The following SETD7 variants were observed in gnomAD, a reference collection of about 807,000 sequenced individuals.
SETD7 encodes histone-lysine N-methyltransferase SETD7.
SETD7 carries 16 observed loss-of-function variants against 41.8 expected under a neutral mutation model. The ratio of observed to expected loss-of-function variants is 0.38; its 90% CI spans 0.26 to 0.58. The LOEUF is 0.58. Ranked by LOEUF, SETD7 falls within the 20% of genes least tolerant of loss-of-function variation. The probability of loss-of-function intolerance (pLI) is 0.64; values close to 1 mark genes in which losing one functional copy is unlikely to be tolerated. For missense variants in SETD7, 346 were observed against 459.7 expected, an observed-to-expected ratio of 0.75 and a Z score of 2.26; for synonymous variants, 163 against 169.7, an observed-to-expected ratio of 0.96 and a Z score of 0.31.
intron 1 of SETD7, among the ~76,000 whole-genome samples, chr4:139,551,811 G>A (rs770189986): frequency 1.5e-4 from 23 of 151,992 alleles, no homozygotes; most frequent in Non-Finnish European, 2.6e-4. Context: ...GAGCCCAGGA[G>A]ACCAGTCTGG....
At chr4:139,521,445 A>T (rs1310570566) in intron 5 of SETD7, among the ~76,000 whole-genome samples, 2 of 151,698 alleles carry the variant, frequency 1.3e-5, no homozygotes, top group Non-Finnish European at 2.9e-5. Context: ...AAAAGAAAAA[A>T]GCGCTCATAA....
chr4:139,526,904 A>G (rs1045751453), intron 4 of SETD7, among the ~76,000 whole-genome samples: 2 of 152,240 alleles, frequency 1.3e-5, no homozygotes, highest in Non-Finnish European at 2.9e-5. Flanking sequence ...AAGGGCATAG[A>G]TATCACAGTT....
At chr4:139,525,768 C>A (rs2111141804) in intron 4 of SETD7, among the ~76,000 whole-genome samples, 1 of 152,320 alleles carries the variant, frequency 6.6e-6, no homozygotes, top group Non-Finnish European at 1.5e-5. Flanking sequence ...TACCCCCTAA[C>A]CCACTGGCCA....
intron 5 of SETD7, among the ~76,000 whole-genome samples, chr4:139,521,062 A>G (rs1727168772): frequency 6.6e-6 from 1 of 152,226 alleles, no homozygotes; most frequent in East Asian, 1.9e-4. Context: ...CAGATATTAT[A>G]TGGCTTGCAA....
chr4:139,555,809 ACTCCGAGGGTGGATGC>A lies in SETD7; in HGVS notation c.40+273_40+288del, dbSNP rs1161271969. On this transcript the variant is annotated intron_variant, in intron 1 of 7. Coordinates refer to ENST00000274031, the MANE Select transcript of SETD7 (RefSeq NM_030648.4). This position sits in a 1 kb window ranked among gnomAD's most constrained non-coding sequence, Gnocchi z 4.0. ...GCCAGAGCGCGGGGCAGGTTTCGCAACTCCGAGGGTGGATGCAGGCTGTGGCCGGGCGGGATGGAGC... is the reference window on the plus strand; with the variant it reads ...GCCAGAGCGCGGGGCAGGTTTCGCAAAGGCTGTGGCCGGGCGGGATGGAGC... Among the ~76,000 whole-genome samples, 3 of 152,044 alleles carry A rather than the reference ACTCCGAGGGTGGATGC, an allele frequency of 2.0e-5. No individual in the cohort carries two copies. The highest frequency in any genetic ancestry group is 4.4e-5 in the Non-Finnish European group (3 of 67,980).
intron 7 of SETD7, among the ~76,000 whole-genome samples, chr4:139,514,352 C>T (rs1726962270): frequency 6.6e-6 from 1 of 152,014 alleles, no homozygotes; most frequent in South Asian, 2.1e-4. Flanking sequence ...GTTGGTTAAC[C>T]TCTGGTACAC....
At chr4:139,517,190 C>A (rs1221084559) in intron 7 of SETD7, among the ~76,000 whole-genome samples, 1 of 152,116 alleles carries the variant, frequency 6.6e-6, no homozygotes, top group Non-Finnish European at 1.5e-5. Flanking sequence ...TAAAAGGGCT[C>A]CCGGCTGGGC....
At chr4:139,513,804 A>C (rs1456680367) in intron 7 of SETD7, among the ~76,000 whole-genome samples, 1 of 152,234 alleles carries the variant, frequency 6.6e-6, no homozygotes, top group Admixed American at 6.5e-5. Context: ...TCACATATAG[A>C]AAGCACCTTA....
At chr4:139,538,077 C>G (rs1265231805) in intron 2 of SETD7, among the ~76,000 whole-genome samples, 2 of 151,898 alleles carry the variant, frequency 1.3e-5, no homozygotes, top group Non-Finnish European at 1.5e-5. Context: ...ATCAAAGAAA[C>G]AGTTATGAAA....
At chr4:139,513,464 T>C (rs1417705805) in intron 7 of SETD7, among the ~76,000 whole-genome samples, 1 of 151,486 alleles carries the variant, frequency 6.6e-6, no homozygotes, top group African/African-American at 2.4e-5. Flanking sequence ...TGGGGCATGA[T>C]AGTAAGTACT....
At chr4:139,527,803 C>A (rs1042663397) in intron 4 of SETD7, among the ~76,000 whole-genome samples, 1 of 152,118 alleles carries the variant, frequency 6.6e-6, no homozygotes, top group Non-Finnish European at 1.5e-5. Context: ...CACTAATGTC[C>A]TTTTTCTCTT....
At chr4:139,554,863 T>A (rs1728210541) in intron 1 of SETD7, among the ~76,000 whole-genome samples, 2 of 152,362 alleles carry the variant, frequency 1.3e-5, no homozygotes, top group East Asian at 3.9e-4. Flanking sequence ...TTCCCTAGTG[T>A]AACAATAACC....
At chr4:139,521,426 TAA>T (rs10711150) in intron 5 of SETD7, among the ~76,000 whole-genome samples, 84 of 147,330 alleles carry the variant, frequency 5.7e-4, no homozygotes, top group Admixed American at 6.8e-4. Context: ...GACTCTGTCT[TAA>T]AAAAAAAAAA....
At chr4:139,518,788 G>A (rs1426579489) in intron 6 of SETD7, among the ~76,000 whole-genome samples, 1 of 152,328 alleles carries the variant, frequency 6.6e-6, no homozygotes, top group Middle Eastern at 3.4e-3. Context: ...GGCAGCCATC[G>A]ATTACCAGCA....
chr4:139,503,524 T>C (rs974027705), downstream of SETD7, among the ~76,000 whole-genome samples: 6 of 152,196 alleles, frequency 3.9e-5, no homozygotes, highest in African/African-American at 1.4e-4. Context: ...CCTATATATA[T>C]GGTTGTTGAA....
At position 139,555,526 on chromosome 4, in the gene SETD7, A is replaced by G. The variant is rs1395827265; in HGVS notation, c.40+572T>C. ...GAGACTTGTCCGTCGCCCGACAATG[A>G]TTTCATCTTTTCGGAAGAGCTGCCG... is the stretch of plus-strand genomic sequence containing the variant. On this transcript the variant is annotated intron_variant, in intron 1 of 7. Coordinates refer to ENST00000274031, the MANE Select transcript of SETD7 (RefSeq NM_030648.4). This position sits in a 1 kb window ranked among gnomAD's most constrained non-coding sequence, Gnocchi z 4.0. 2.0e-5 allele frequency among the ~76,000 whole-genome samples: 3 copies of G among 151,984 alleles called. No individual in the cohort carries two copies. The highest frequency in any genetic ancestry group is 7.2e-5 in the African/African-American group (3 of 41,384).
At chr4:139,522,201 T>C (rs1727195810) in intron 5 of SETD7, among the ~76,000 whole-genome samples, 1 of 152,182 alleles carries the variant, frequency 6.6e-6, no homozygotes, top group Admixed American at 6.5e-5. Flanking sequence ...GTCAGCCCTG[T>C]CAGTTGAATG....
At chr4:139,500,096 A>C (rs1376113275) in intron 7 of SETD7, among the ~76,000 whole-genome samples, 1 of 152,102 alleles carries the variant, frequency 6.6e-6, no homozygotes, top group Admixed American at 6.5e-5. Context: ...TTCTCCAATT[A>C]ATCTGCCTTT....
chr4:139,534,127 G>A (rs971948845), intron 2 of SETD7, among the ~76,000 whole-genome samples: 1 of 152,202 alleles, frequency 6.6e-6, no homozygotes, highest in East Asian at 1.9e-4. Context: ...AAAGCTCACA[G>A]GGATGCTCAC....
Sources: gnomAD v4.1 joint callset for allele counts (sites outside exome capture counted in the v4.1 genomes callset) on GRCh38, gnomAD v4.1.1 for gene constraint, Gnocchi (gnomAD v3.1) non-coding constraint, MANE v1.5 for transcripts, NCBI Gene and HGNC (gene_info 2026-07-23, HGNC 2026-07-21) for gene names.